STIM2: variants seen among roughly 807,000 people sequenced by gnomAD.
STIM2 encodes the protein stromal interaction molecule 2.
In STIM2, 31 loss-of-function variants were observed where a neutral mutation model predicts 85.8. The observed-to-expected ratio is 0.36, with a 90% CI of 0.27 to 0.49. STIM2 has a LOEUF of 0.49. Ranked by LOEUF, STIM2 falls within the 20% of genes least tolerant of loss-of-function variation. STIM2 has a pLI of 0.98. For missense variants in STIM2, 841 were observed against 927.6 expected (o/e 0.91, Z 1.21); for synonymous variants, 356 against 331.1 (o/e 1.08, Z -0.82).
intron 1 of STIM2, among the ~76,000 whole-genome samples, chr4:26,885,861 A>ATATATGTATATATATATATATATATG (rs1553845034): frequency 2.6e-5 from 2 of 77,734 alleles, no homozygotes; most frequent in South Asian, 3.5e-4. Flanking sequence ...ATATATATAT[A>ATATATGTATATATATATATATATATG]TATATATATA....
intron 3 of STIM2, among the ~76,000 whole-genome samples, chr4:26,968,140 C>T (rs1726801866): frequency 6.6e-6 from 1 of 152,108 alleles, no homozygotes; most frequent in African/African-American, 2.4e-5. Context: ...CACTGCACTA[C>T]AGCCTGGATG....
chr4:26,941,423 T>C (rs1725607224), intron 2 of STIM2, among the ~76,000 whole-genome samples: 1 of 152,128 alleles, frequency 6.6e-6, no homozygotes. Context: ...TCCAGTTCAC[T>C]CTTTGTGTTT....
chr4:27,021,103 C>T, intron 11 of STIM2: 2 of 1,499,146 alleles, frequency 1.3e-6, no homozygotes, highest in South Asian at 1.2e-5. Context: ...TTTAATATCT[C>T]ACTCTGTTCA....
intron 1 of STIM2, among the ~76,000 whole-genome samples, chr4:26,899,171 T>G (rs1237717320): frequency 1.3e-5 from 2 of 152,084 alleles, no homozygotes; most frequent in Non-Finnish European, 2.9e-5. Context: ...GGGCTACTGT[T>G]TTACGTCTAT....
intron 3 of STIM2, among the ~76,000 whole-genome samples, chr4:26,974,500 T>A (rs1727104898): frequency 6.6e-6 from 1 of 152,204 alleles, no homozygotes; most frequent in Non-Finnish European, 1.5e-5. Context: ...GTTATGAAGC[T>A]TAGTTTGGCT....
At chr4:26,910,766 G>T (rs2109059312) in intron 1 of STIM2, among the ~76,000 whole-genome samples, 1 of 152,232 alleles carries the variant, frequency 6.6e-6, no homozygotes, top group Non-Finnish European at 1.5e-5. Flanking sequence ...TTACCTTCTG[G>T]TTCCCACCTA....
Position 27,008,811 on chromosome 4 carries a change from G to A in STIM2, c.1298G>A (p.Arg433His), listed in dbSNP as rs770359539. Residue 433 changes from arginine to histidine, a missense_variant, in exon 10 of 12, where the codon CGC (arginine) becomes CAC (histidine). Physicochemically the swap from Arg to His is conservative, Grantham distance 29. This residue lies in a region of STIM2 where 408 missense variants were observed against 525.4 expected (regional missense o/e 0.78). Coordinates refer to ENST00000467087, the MANE Select transcript of STIM2 (RefSeq NM_020860.4). ...ACTTGTTTACGAGAACGACTTTTTC[G>A]CTGGCAACAAATTGAGAAGATCTGT... 4 of 1,613,904 alleles carry A rather than the reference G, an allele frequency of 2.5e-6. No individual in the cohort carries two copies. The highest frequency in any genetic ancestry group is 2.5e-6 in the Non-Finnish European group (3 of 1,179,966).
intron 3 of STIM2, among the ~76,000 whole-genome samples, chr4:26,993,240 A>G (rs1727827551): frequency 6.6e-6 from 1 of 152,144 alleles, no homozygotes; most frequent in African/African-American, 2.4e-5. Context: ...CACTAAATTC[A>G]GTGGAAAACA....
At chr4:26,970,529 A>G (rs1446970716) in intron 3 of STIM2, among the ~76,000 whole-genome samples, 5 of 151,946 alleles carry the variant, frequency 3.3e-5, no homozygotes, top group South Asian at 2.1e-4. Context: ...TTTACTGAGA[A>G]TGATGGTTCC....
At chr4:26,894,772 T>A (rs1383022329) in intron 1 of STIM2, among the ~76,000 whole-genome samples, 1 of 152,250 alleles carries the variant, frequency 6.6e-6, no homozygotes. Context: ...GGGCTATTCT[T>A]TGCCCTTTGC....
chr4:26,962,055 T>C (rs966748880), intron 3 of STIM2, among the ~76,000 whole-genome samples: 7 of 152,164 alleles, frequency 4.6e-5, no homozygotes, highest in African/African-American at 1.7e-4. Flanking sequence ...CCAGCCTCCT[T>C]CTTTAGTTAC....
chr4:26,872,801 AAAT>A (rs2109029857), intron 1 of STIM2, among the ~76,000 whole-genome samples: 1 of 152,330 alleles, frequency 6.6e-6, no homozygotes, highest in African/African-American at 2.4e-5. Flanking sequence ...ATAAAATAGA[AAAT>A]AATGTGGGGT....
At chr4:26,875,496 GATT>G (rs1337560853) in intron 1 of STIM2, among the ~76,000 whole-genome samples, 1 of 152,026 alleles carries the variant, frequency 6.6e-6, no homozygotes, top group Non-Finnish European at 1.5e-5. Context: ...TAATAATTAG[GATT>G]ATTTTTTCTT....
chr4:27,005,754 A>G (rs1391166026), intron 7 of STIM2, among the ~76,000 whole-genome samples: 14 of 152,220 alleles, frequency 9.2e-5, no homozygotes, highest in Admixed American at 8.5e-4. Context: ...CAATCTGAAC[A>G]TTGTTCAGCT....
At chr4:27,002,448 A>G in intron 6 of STIM2, 54 bp downstream of exon 6, 5 of 1,419,454 alleles carry the variant, frequency 3.5e-6, no homozygotes, top group South Asian at 2.7e-5. Flanking sequence ...ATTTGTAAAA[A>G]AAGTGATATG....
chr4:26,866,074 G>C (rs1722399267), intron 1 of STIM2, among the ~76,000 whole-genome samples: 2 of 151,818 alleles, frequency 1.3e-5, no homozygotes, highest in African/African-American at 4.8e-5. Context: ...TTCATTGCCT[G>C]GGTTTATTGC....
intron 1 of STIM2, among the ~76,000 whole-genome samples, chr4:26,896,267 G>A (rs1213092578): frequency 6.6e-6 from 1 of 152,206 alleles, no homozygotes; most frequent in Admixed American, 6.5e-5. Context: ...ATTAGATAAG[G>A]TCATGCCCAC....
At chr4:26,884,200 A>C (rs563381888) in intron 1 of STIM2, among the ~76,000 whole-genome samples, 4 of 152,280 alleles carry the variant, frequency 2.6e-5, no homozygotes, top group African/African-American at 9.6e-5. Context: ...TCGATGTGGG[A>C]GACTGTGTGT....
intron 7 of STIM2, among the ~76,000 whole-genome samples, chr4:27,005,262 T>C (rs1728293082): frequency 6.6e-6 from 1 of 152,252 alleles, no homozygotes; most frequent in South Asian, 2.1e-4. Context: ...TGACTAATAG[T>C]ACTGCTTTAT....
Sources: allele counts gnomAD v4.1 joint callset (sites outside exome capture counted in the v4.1 genomes callset), GRCh38; gene constraint gnomAD v4.1.1; regional missense constraint gnomAD v4.1.1; transcripts MANE v1.5; gene names NCBI Gene and HGNC (gene_info 2026-07-23, HGNC 2026-07-21).